PHACTR4: variants seen among roughly 807,000 people sequenced by gnomAD.
The protein encoded by PHACTR4 is phosphatase and actin regulator 4.
In PHACTR4, 51 loss-of-function variants were observed where a neutral mutation model predicts 72.7. That is an observed-to-expected ratio of 0.70 (90% CI 0.56 to 0.89). The LOEUF is 0.89. PHACTR4 is among the 40% of genes least tolerant of loss of function. PHACTR4 has a pLI of 0.00. For synonymous variants in PHACTR4, 255 were observed against 302.5 expected, an observed-to-expected ratio of 0.84 and a Z score of 1.63; for missense variants, 731 against 861.8, an observed-to-expected ratio of 0.85 and a Z score of 1.90.
intron 4 of PHACTR4, among the ~76,000 whole-genome samples, chr1:28,464,269 C>T (rs1375771208): frequency 6.6e-6 from 1 of 152,118 alleles, no homozygotes; most frequent in Non-Finnish European, 1.5e-5. Flanking sequence ...CCCGGCCCCC[C>T]ATAACCATTT....
chr1:28,422,832 G>T (rs1201746161), intron 2 of PHACTR4, among the ~76,000 whole-genome samples: 1 of 152,164 alleles, frequency 6.6e-6, no homozygotes, highest in African/African-American at 2.4e-5. Flanking sequence ...CTGTCGCCAG[G>T]CTGGAGTGCA....
chr1:28,374,070 A>C (rs1015797170), intron 1 of PHACTR4, among the ~76,000 whole-genome samples: 2 of 152,194 alleles, frequency 1.3e-5, no homozygotes, highest in African/African-American at 2.4e-5. Context: ...AACCATAAAC[A>C]ATGAGTCTTT....
chr1:28,417,699 C>T (rs1655192239), intron 2 of PHACTR4, among the ~76,000 whole-genome samples: 1 of 152,150 alleles, frequency 6.6e-6, no homozygotes, highest in African/African-American at 2.4e-5. Context: ...CCACAAGTAA[C>T]TGAAACTGCA....
chr1:28,431,755 C>A (rs1240454690), intron 2 of PHACTR4, among the ~76,000 whole-genome samples: 1 of 152,178 alleles, frequency 6.6e-6, no homozygotes, highest in African/African-American at 2.4e-5. Flanking sequence ...AACAAATCAG[C>A]ATTAGCTTAA....
intron 2 of PHACTR4, among the ~76,000 whole-genome samples, chr1:28,435,604 A>C (rs1656583984): frequency 6.6e-6 from 1 of 152,226 alleles, no homozygotes; most frequent in Non-Finnish European, 1.5e-5. Flanking sequence ...AATACTAGAA[A>C]ACTGAGACTT....
In PHACTR4 at chr1:28,401,280, G is replaced by A. The variant is rs561115364; in HGVS notation, c.-38-6130G>A. Among the ~76,000 whole-genome samples the A allele has an allele frequency of 4.0e-5, 6 of 151,834 alleles. No individual in the cohort carries two copies. The East Asian group carries it at 1.2e-3, about 29-fold the overall frequency. ...GAGGCTGAGATACTTGGCTACAACA[G>A]GGATATATGACCTGCTTTACTTTTT... On this transcript the variant is annotated intron_variant, in intron 1 of 13. Transcript: ENST00000373839.
intron 8 of PHACTR4, among the ~76,000 whole-genome samples, chr1:28,479,752 G>A (rs539033017): frequency 1.3e-5 from 2 of 151,866 alleles, no homozygotes; most frequent in South Asian, 4.2e-4. Flanking sequence ...AATTAGCTGG[G>A]CGTGGTGACC....
At chr1:28,426,304 C>T (rs1183775332) in intron 2 of PHACTR4, among the ~76,000 whole-genome samples, 1 of 152,004 alleles carries the variant, frequency 6.6e-6, no homozygotes, top group Non-Finnish European at 1.5e-5. Flanking sequence ...AAGATTTCTT[C>T]AGCGCATACT....
intron 2 of PHACTR4, among the ~76,000 whole-genome samples, chr1:28,454,563 C>T (rs909771741): frequency 5.9e-5 from 9 of 151,980 alleles, no homozygotes; most frequent in African/African-American, 2.2e-4. Context: ...CGCGCCCGGC[C>T]ATCACTTTCA....
In PHACTR4 at chr1:28,409,112, T is replaced by G. The variant is rs1203631453; in HGVS notation, c.16+1649T>G. On this transcript the variant is annotated intron_variant, in intron 2 of 13. Transcript: ENST00000373839. Reference sequence around the variant, plus strand: ...AGTCATTTACTGTGTGTGGAACCCCTTTTCTTTCTTTCTTTTTTTTTTTTT... The same window carrying G: ...AGTCATTTACTGTGTGTGGAACCCCGTTTCTTTCTTTCTTTTTTTTTTTTT... 4.0e-5 allele frequency among the ~76,000 whole-genome samples: 6 copies of G among 151,196 alleles called. No homozygotes were observed. In the South Asian group the frequency reaches 1.0e-3, roughly 26 times the overall value.
Position 28,480,464 on chromosome 1 carries a change from C to A in PHACTR4, c.1620C>A (p.Asn540Lys), listed in dbSNP as rs1395245211. ...CCGTGTGCAAAGGTGCTCTCGCCAA[C>A]AAAGTGAAGAGGAAAGACACACTGG... Reference protein sequence around the residue: ...EDESYQSALANKVKRKDTLAM... With the variant: ...EDESYQSALAKKVKRKDTLAM... Residue 540 changes from asparagine to lysine, a missense_variant, in exon 9 of 14, where the codon AAC becomes AAA. By Grantham distance (94) the Asn-to-Lys change is moderately conservative. Around this residue, in one of 2 missense-constraint regions of PHACTR4, gnomAD observed 621 missense variants for 676.6 expected, o/e 0.92. Coordinates refer to ENST00000373839, the MANE Select transcript of PHACTR4 (RefSeq NM_001048183.3). 2 of 1,613,864 alleles carry A rather than the reference C, an allele frequency of 1.2e-6. No homozygotes were observed. The highest frequency in any genetic ancestry group is 2.7e-5 in the African/African-American group (2 of 74,896).
At chr1:28,412,860 G>T (rs919505847) in intron 2 of PHACTR4, among the ~76,000 whole-genome samples, 1 of 152,186 alleles carries the variant, frequency 6.6e-6, no homozygotes, top group Non-Finnish European at 1.5e-5. Context: ...CAGGGTTTCA[G>T]TGTGGACTAG....
rs571531196 is a variant in PHACTR4 at position 28,491,407 on chromosome 1, G to T, written c.1879-243G>T. On this transcript the variant is annotated intron_variant, in intron 11 of 13. Transcript: ENST00000373839. ...TGGGAGGTTGAGGCTGCAGTGAGCT[G>T]TGATTGTGCCACTGCACTCCAGCCT... Among the ~76,000 whole-genome samples the T allele has an allele frequency of 9.9e-5, 15 of 151,282 alleles. No homozygotes were observed. The South Asian group carries it at 2.9e-3, about 30-fold the overall frequency.
intron 9 of PHACTR4, among the ~76,000 whole-genome samples, chr1:28,488,645 A>G (rs1660853945): frequency 1.4e-5 from 2 of 146,396 alleles, no homozygotes; most frequent in Admixed American, 1.4e-4. Flanking sequence ...AAAAAATTGT[A>G]AAAAAAAAAA....
intron 2 of PHACTR4, among the ~76,000 whole-genome samples, chr1:28,411,415 T>A (rs958269668): frequency 3.3e-5 from 5 of 152,088 alleles, no homozygotes; most frequent in Non-Finnish European, 5.9e-5. Context: ...TAATATGGAG[T>A]TTATAGGAAA....
intron 9 of PHACTR4, among the ~76,000 whole-genome samples, chr1:28,487,342 G>A (rs1204406506): frequency 6.6e-6 from 1 of 151,758 alleles, no homozygotes; most frequent in African/African-American, 2.4e-5. Flanking sequence ...TTCCAGCCTG[G>A]GCGGCAGAGC....
chr1:28,490,307 G>A (rs1660949739), intron 10 of PHACTR4, among the ~76,000 whole-genome samples: 1 of 152,068 alleles, frequency 6.6e-6, no homozygotes. Context: ...CGAGGCGAGT[G>A]GATCACAAGG....
In PHACTR4 at chr1:28,402,342, C is replaced by T. The variant is rs926198968; in HGVS notation, c.-38-5068C>T. ...TAAGTTTATGAAACTTCCTAGATTTCCAAATAGAGTATTGAGTATGCTGTA... is the reference window on the plus strand; with the variant it reads ...TAAGTTTATGAAACTTCCTAGATTTTCAAATAGAGTATTGAGTATGCTGTA... On this transcript the variant is annotated intron_variant, in intron 1 of 13. Coordinates refer to ENST00000373839, the MANE Select transcript of PHACTR4 (RefSeq NM_001048183.3). Among the ~76,000 whole-genome samples, 7 of 152,070 alleles carry T rather than the reference C, an allele frequency of 4.6e-5. 1 individual carries two copies. Among genetic ancestry groups the T allele is most frequent in the African/African-American group, 1.7e-4 (7 of 41,394 alleles).
chr1:28,455,319 C>G (rs903633710), intron 2 of PHACTR4, among the ~76,000 whole-genome samples: 12 of 150,464 alleles, frequency 8.0e-5, no homozygotes, highest in Admixed American at 6.0e-4. Context: ...GCCTCAGCCT[C>G]CCGAGTAGCT....
Sources: gnomAD v4.1 joint callset for allele counts (sites outside exome capture counted in the v4.1 genomes callset) on GRCh38, gnomAD v4.1.1 for gene constraint, gnomAD v4.1.1 regional missense constraint, MANE v1.5 for transcripts, NCBI Gene and HGNC (gene_info 2026-07-23, HGNC 2026-07-21) for gene names.